PDE10A: variants seen among roughly 807,000 people sequenced by gnomAD.
PDE10A encodes phosphodiesterase 10A, also known as cAMP and cAMP-inhibited cGMP 3',5'-cyclic phosphodiesterase 10A.
Under a neutral mutation model 97.7 loss-of-function variants are expected in PDE10A, and 39 were observed. The ratio of observed to expected loss-of-function variants is 0.40; its 90% CI spans 0.31 to 0.52. PDE10A has a LOEUF of 0.52. Among genes scored for constraint, PDE10A ranks in the 20% least tolerant of loss-of-function variants. The pLI is 0.56. For missense variants in PDE10A, 731 were observed against 1,047.8 expected (o/e 0.70, Z 4.17); for synonymous variants, 371 against 376.8 (o/e 0.98, Z 0.18).
chr6:165,733,476 G>A (rs1039976363), intron 1 of PDE10A, among the ~76,000 whole-genome samples: 68 of 152,150 alleles, frequency 4.5e-4, no homozygotes, highest in Non-Finnish European at 1.5e-4. Context: ...TACTAACAAA[G>A]TAGCTACCAC....
intron 1 of PDE10A, among the ~76,000 whole-genome samples, chr6:165,726,747 C>A (rs1007454618): frequency 6.6e-6 from 1 of 152,208 alleles, no homozygotes; most frequent in Non-Finnish European, 1.5e-5. Context: ...CTGCGGGCAC[C>A]GGGAAGACAG....
At chr6:165,394,659 G>A (rs190150330) in intron 15 of PDE10A, among the ~76,000 whole-genome samples, 1 of 152,084 alleles carries the variant, frequency 6.6e-6, no homozygotes, top group Non-Finnish European at 1.5e-5. Context: ...TTCTACAATG[G>A]TTGAACTAAT....
At chr6:165,548,987 T>C (rs568456767) in intron 1 of PDE10A, among the ~76,000 whole-genome samples, 1 of 147,640 alleles carries the variant, frequency 6.8e-6, no homozygotes, top group Admixed American at 6.7e-5. Context: ...CCTTAACTGG[T>C]GCTCAAATTG....
At chr6:165,409,271 G>C (rs191258811) in intron 13 of PDE10A, among the ~76,000 whole-genome samples, 1 of 152,034 alleles carries the variant, frequency 6.6e-6, no homozygotes, top group Non-Finnish European at 1.5e-5. Context: ...CTTTGGCTGG[G>C]CGAGGTGGCT....
chr6:165,976,399 A>T (rs1784845662), intron 1 of PDE10A, among the ~76,000 whole-genome samples: 1 of 152,202 alleles, frequency 6.6e-6, no homozygotes, highest in African/African-American at 2.4e-5. Context: ...GGCCGTGACT[A>T]CAATCAAAAT....
intron 19 of PDE10A, among the ~76,000 whole-genome samples, chr6:165,341,214 G>C (rs1298904669): frequency 6.6e-6 from 1 of 152,160 alleles, no homozygotes; most frequent in Non-Finnish European, 1.5e-5. Context: ...GGACTATTGA[G>C]GTTGGTGAAG....
chr6:165,583,883 C>A (rs962066468), intron 1 of PDE10A, among the ~76,000 whole-genome samples: 1 of 152,166 alleles, frequency 6.6e-6, no homozygotes, highest in African/African-American at 2.4e-5. Context: ...ATGTTCACTT[C>A]CTGTTCCCAC....
intron 2 of PDE10A, among the ~76,000 whole-genome samples, chr6:165,521,755 A>G (rs1056476931): frequency 3.9e-5 from 6 of 152,174 alleles, no homozygotes; most frequent in Non-Finnish European, 8.8e-5. Context: ...AAGTTTAAGG[A>G]AAGACGCCAT....
At chr6:165,438,663 G>C (rs1790215297) in intron 5 of PDE10A, among the ~76,000 whole-genome samples, 1 of 152,092 alleles carries the variant, frequency 6.6e-6, no homozygotes, top group Non-Finnish European at 1.5e-5. Context: ...TATTTTATAA[G>C]CTATACACTT....
At chr6:165,367,530 C>T (rs1021393121) in intron 18 of PDE10A, among the ~76,000 whole-genome samples, 3 of 151,998 alleles carry the variant, frequency 2.0e-5, no homozygotes, top group African/African-American at 7.2e-5. Flanking sequence ...CCAAACTTCA[C>T]TGAAATCAGC....
At chr6:165,806,042 T>TAA (rs67104260) in intron 1 of PDE10A, among the ~76,000 whole-genome samples, 4,458 of 73,094 alleles carry the variant, frequency 0.061, 269 homozygotes, top group Non-Finnish European at 0.075. Context: ...GCTTGATTAT[T>TAA]AAAAAAAAAA....
In PDE10A at chr6:165,413,609, A is replaced by T; in HGVS notation, c.1968T>A (p.Gly656=). The T allele has an allele frequency of 1.2e-6, 2 of 1,614,040 alleles. No homozygotes were observed. The highest frequency in any genetic ancestry group is 3.3e-5 in the Admixed American group (2 of 60,014). Residue 656 remains glycine, a synonymous_variant, in exon 13 of 22, where the codon GGT becomes GGA. Transcript: ENST00000539869. ...MPIVSRGSVI[G]VVQMVNKISG... ...TGATTTTGTTGACCATCTGCACCAC[A>T]CCTATCACGCTGCCTCGGCTGACGA...
chr6:165,571,260 T>C, intron 1 of PDE10A, among the ~76,000 whole-genome samples: 1 of 152,154 alleles, frequency 6.6e-6, no homozygotes, highest in Non-Finnish European at 1.5e-5. Context: ...CTTGCTTACC[T>C]TGCAAAAAAT....
intron 1 of PDE10A, among the ~76,000 whole-genome samples, chr6:165,864,130 G>A (rs1487069908): frequency 1.3e-5 from 2 of 152,000 alleles, no homozygotes; most frequent in South Asian, 2.1e-4. Flanking sequence ...TCTATGCTTC[G>A]CTGTTCTGGC....
intron 1 of PDE10A, among the ~76,000 whole-genome samples, chr6:165,555,548 C>A (rs960459626): frequency 6.6e-6 from 1 of 152,090 alleles, no homozygotes; most frequent in Non-Finnish European, 1.5e-5. Context: ...AAGAGAAATG[C>A]CTTCCTGTTA....
At chr6:165,867,041 G>C (rs552151503) in intron 1 of PDE10A, among the ~76,000 whole-genome samples, 37 of 151,872 alleles carry the variant, frequency 2.4e-4, no homozygotes, top group African/African-American at 8.9e-4. Context: ...AAATAGAAAG[G>C]AGTTAAATGT....
intron 1 of PDE10A, among the ~76,000 whole-genome samples, chr6:165,832,308 C>G (rs1039577396): frequency 3.9e-5 from 6 of 151,994 alleles, no homozygotes; most frequent in African/African-American, 1.2e-4. Flanking sequence ...AACAGCCGCT[C>G]TCATTCAACC....
At chr6:165,373,400 C>T (rs1368860116) in intron 18 of PDE10A, among the ~76,000 whole-genome samples, 1 of 152,056 alleles carries the variant, frequency 6.6e-6, no homozygotes, top group African/African-American at 2.4e-5. Flanking sequence ...AACAAACAAC[C>T]CCATCAAAAA....
intron 1 of PDE10A, among the ~76,000 whole-genome samples, chr6:165,898,738 C>T (rs1782025063): frequency 6.6e-6 from 1 of 152,128 alleles, no homozygotes; most frequent in Admixed American, 6.5e-5. Context: ...CAGGTCATTC[C>T]TCTCCATTCT....
Sources: gnomAD v4.1 joint callset for allele counts (sites outside exome capture counted in the v4.1 genomes callset) on GRCh38, gnomAD v4.1.1 for gene constraint, MANE v1.5 for transcripts, NCBI Gene and HGNC (gene_info 2026-07-23, HGNC 2026-07-21) for gene names.